CREM: variants seen among roughly 807,000 people sequenced by gnomAD.
The protein encoded by CREM is cAMP responsive element modulator.
Under a neutral mutation model 37.3 loss-of-function variants are expected in CREM, and 13 were observed. That is an observed-to-expected ratio of 0.35 (90% CI 0.23 to 0.55). CREM has a LOEUF of 0.55. Ranked by LOEUF, CREM falls within the 20% of genes least tolerant of loss-of-function variation. The pLI is 0.88. For synonymous variants in CREM, 124 were observed against 120.2 expected (o/e 1.03, Z -0.21); for missense variants, 296 against 362.3 (o/e 0.82, Z 1.49).
chr10:35,205,888 G>A (rs1207336651), intron 6 of CREM, among the ~76,000 whole-genome samples: 2 of 151,968 alleles, frequency 1.3e-5, no homozygotes, highest in South Asian at 2.1e-4. Context: ...AACTGGGGAG[G>A]TGGAGGTTAC....
chr10:35,183,033 T>G (rs1026897904), intron 5 of CREM, among the ~76,000 whole-genome samples: 1 of 152,200 alleles, frequency 6.6e-6, no homozygotes, highest in Non-Finnish European at 1.5e-5. Flanking sequence ...TCATTAAATT[T>G]CCTCTTGAAA....
intron 6 of CREM, among the ~76,000 whole-genome samples, chr10:35,204,905 G>A (rs953614212): frequency 2.6e-5 from 4 of 152,110 alleles, no homozygotes; most frequent in African/African-American, 9.7e-5. Context: ...TGTCTCCCAT[G>A]GGTAGCATTT....
In CREM at chr10:35,167,846, T is replaced by C. The variant is rs1306680398; in HGVS notation, c.169-11043T>C. The C allele has an allele frequency of 1.9e-6, 3 of 1,544,864 alleles. No individual in the cohort carries two copies. The Admixed American group carries it at 5.4e-5, about 28-fold the overall frequency. Reference sequence around the variant, plus strand: ...TAAGTACCTTCACACTTTTAAAGCCTTGTGAAAAGAGGGGTAAAAATTGTG... The same window carrying C: ...TAAGTACCTTCACACTTTTAAAGCCCTGTGAAAAGAGGGGTAAAAATTGTG... On this transcript the variant is annotated intron_variant, in intron 3 of 7. Transcript: ENST00000685392.
chr10:35,154,288 A>G (rs189452898), intron 3 of CREM: 1 of 384,628 alleles, frequency 2.6e-6, no homozygotes, highest in East Asian at 3.7e-5. Context: ...GATGGCAATC[A>G]CAAAACAAAC....
intron 6 of CREM, among the ~76,000 whole-genome samples, chr10:35,188,904 C>A (rs905294142): frequency 6.6e-6 from 1 of 152,062 alleles, no homozygotes; most frequent in Non-Finnish European, 1.5e-5. Flanking sequence ...ATGGAGTCGT[C>A]CTGACCTCAG....
chr10:35,192,692 T>A (rs1404001092), intron 6 of CREM, among the ~76,000 whole-genome samples: 1 of 152,116 alleles, frequency 6.6e-6, no homozygotes, highest in Non-Finnish European at 1.5e-5. Flanking sequence ...TTCACAAGGG[T>A]GTCACCCTCA....
At chr10:35,187,109 T>G (rs1404548136) in intron 5 of CREM, among the ~76,000 whole-genome samples, 3 of 75,364 alleles carry the variant, frequency 4.0e-5, no homozygotes, top group East Asian at 3.7e-4. Flanking sequence ...TGATATATAT[T>G]ATATAAATAT....
At chr10:35,161,116 T>G (rs2093267282) in intron 3 of CREM, among the ~76,000 whole-genome samples, 1 of 152,168 alleles carries the variant, frequency 6.6e-6, no homozygotes. Flanking sequence ...ATATGTACTG[T>G]ACATAATTGC....
At chr10:35,132,617 C>G (rs2089637889) in intron 1 of CREM, among the ~76,000 whole-genome samples, 2 of 152,178 alleles carry the variant, frequency 1.3e-5, no homozygotes, top group South Asian at 4.1e-4. Context: ...TCTGTTTTTA[C>G]ATGAAAGCGT....
chr10:35,187,844 A>G (rs1236407943), intron 5 of CREM, among the ~76,000 whole-genome samples: 2 of 152,254 alleles, frequency 1.3e-5, no homozygotes, highest in East Asian at 3.9e-4. Context: ...TGGTGTTTAT[A>G]AGGAAAAACA....
intron 2 of CREM, among the ~76,000 whole-genome samples, chr10:35,139,185 A>G (rs978505616): frequency 6.6e-5 from 10 of 151,892 alleles, no homozygotes; most frequent in East Asian, 1.9e-4. Context: ...TAGTGGCACA[A>G]TCTTGGCTCA....
At chr10:35,136,127 G>A (rs2090471263) in intron 1 of CREM, among the ~76,000 whole-genome samples, 1 of 152,170 alleles carries the variant, frequency 6.6e-6, no homozygotes, top group African/African-American at 2.4e-5. Flanking sequence ...GCGGGCGGCT[G>A]TTCCTGGACT....
chr10:35,192,112 G>A (rs567510105), intron 6 of CREM, among the ~76,000 whole-genome samples: 30 of 152,204 alleles, frequency 2.0e-4, no homozygotes, highest in Non-Finnish European at 3.1e-4. Context: ...TACCCCTGTG[G>A]GCTACAGTCT....
intron 7 of CREM, among the ~76,000 whole-genome samples, chr10:35,207,679 C>T (rs529447088): frequency 1.3e-5 from 2 of 151,888 alleles, no homozygotes; most frequent in Non-Finnish European, 2.9e-5. Context: ...GAGGCTGAGG[C>T]AAGAGAATCA....
At chr10:35,154,931 T>A (rs997011561) in intron 3 of CREM, among the ~76,000 whole-genome samples, 1 of 152,196 alleles carries the variant, frequency 6.6e-6, no homozygotes, top group Non-Finnish European at 1.5e-5. Flanking sequence ...TTTGATAATT[T>A]TGTATATAAT....
chr10:35,144,589 A>G (rs2091846476), intron 2 of CREM, among the ~76,000 whole-genome samples: 1 of 152,156 alleles, frequency 6.6e-6, no homozygotes, highest in East Asian at 1.9e-4. Flanking sequence ...TCTCTGGGAA[A>G]TGCCCCCAGA....
intron 6 of CREM, among the ~76,000 whole-genome samples, chr10:35,199,042 G>A (rs913205571): frequency 2.0e-5 from 3 of 152,188 alleles, no homozygotes; most frequent in Non-Finnish European, 4.4e-5. Context: ...CCAGCTACTC[G>A]GGAGGCTGAG....
chr10:35,172,728 A>G (rs2093881210), intron 3 of CREM, among the ~76,000 whole-genome samples: 1 of 152,156 alleles, frequency 6.6e-6, no homozygotes, highest in African/African-American at 2.4e-5. Context: ...CTGCGTCCTG[A>G]CGACCCATGG....
At chr10:35,180,181 T>C (rs565706744) in intron 5 of CREM, among the ~76,000 whole-genome samples, 2 of 152,324 alleles carry the variant, frequency 1.3e-5, no homozygotes, top group African/African-American at 2.4e-5. Context: ...ACAGCAGTCA[T>C]GTTGTTGAAG....
Sources: gnomAD v4.1 joint callset for allele counts (sites outside exome capture counted in the v4.1 genomes callset) on GRCh38, gnomAD v4.1.1 for gene constraint, MANE v1.5 for transcripts, NCBI Gene and HGNC (gene_info 2026-07-23, HGNC 2026-07-21) for gene names.